HMCN1: variants seen among roughly 807,000 people sequenced by gnomAD.
HMCN1 encodes the protein hemicentin 1, also known as hemicentin-1.
In HMCN1, 321 loss-of-function variants were observed where a neutral mutation model predicts 625.9. The observed-to-expected ratio is 0.51, with a 90% CI of 0.47 to 0.56. The LOEUF is 0.56. Among genes scored for constraint, HMCN1 ranks in the 20% least tolerant of loss-of-function variants. HMCN1 has a pLI of 0.00. For synonymous variants in HMCN1, 2,425 were observed against 2,417.6 expected (o/e 1.00, Z -0.09); for missense variants, 6,588 against 6,887.3 (o/e 0.96, Z 1.54).
chr1:186,108,196 T>C (rs984885716), intron 70 of HMCN1, among the ~76,000 whole-genome samples: 13 of 152,138 alleles, frequency 8.5e-5, no homozygotes, highest in African/African-American at 3.1e-4. Flanking sequence ...TCCATTTCTT[T>C]ACTATCAAAT....
At chr1:185,945,257 G>A (rs956308467) in intron 11 of HMCN1, among the ~76,000 whole-genome samples, 59 of 152,148 alleles carry the variant, frequency 3.9e-4, no homozygotes, top group African/African-American at 1.4e-3. Flanking sequence ...TTTATGCTAT[G>A]CCCCTAGGCA....
rs994003584 is a variant in HMCN1 at position 186,153,686 on chromosome 1, C to T, written c.15019-64C>T. 57 of 1,307,730 alleles carry T rather than the reference C, an allele frequency of 4.4e-5. 1 individual carries two copies. Among genetic ancestry groups the T allele is most frequent in the Non-Finnish European group, 5.7e-5 (51 of 901,070 alleles). 81.0% of individuals were successfully genotyped at this position (1,307,730 alleles called of 1,614,324 possible). ...CCCCGCTCATTCTGCATTTCATAGT[C>T]CCCTTAAGGGAAAAAAATTAGTATG... On this transcript the variant is annotated intron_variant, in intron 96 of 106. Transcript: ENST00000271588.
At chr1:186,048,469 G>A (rs749751040) in intron 41 of HMCN1, among the ~76,000 whole-genome samples, 46 of 151,896 alleles carry the variant, frequency 3.0e-4, no homozygotes, top group African/African-American at 8.5e-4. Context: ...GTACCTTTTC[G>A]TTTTTTCTGA....
intron 4 of HMCN1, among the ~76,000 whole-genome samples, chr1:185,881,630 A>T (rs984476930): frequency 3.3e-5 from 5 of 151,990 alleles, no homozygotes; most frequent in African/African-American, 1.2e-4. Context: ...TTTGCTGGGG[A>T]CCTACCCTTT....
At chr1:186,045,927 C>A in intron 41 of HMCN1, 64 bp downstream of exon 41, 2 of 1,181,070 alleles carry the variant, frequency 1.7e-6, no homozygotes, top group Non-Finnish European at 2.5e-6. Context: ...TGGTATTACC[C>A]TATTTAGCGT....
intron 81 of HMCN1, among the ~76,000 whole-genome samples, chr1:186,124,039 C>A (rs1661525644): frequency 6.6e-6 from 1 of 152,102 alleles, no homozygotes; most frequent in South Asian, 2.1e-4. Context: ...CCCCTGCTTT[C>A]AGTTAATATA....
At chr1:185,792,200 A>C (rs1229781504) in intron 1 of HMCN1, among the ~76,000 whole-genome samples, 1 of 152,246 alleles carries the variant, frequency 6.6e-6, no homozygotes, top group Non-Finnish European at 1.5e-5. Flanking sequence ...AGGGGCCATC[A>C]CCATGCTAAT....
At chr1:185,838,766 A>G (rs1661317402) in intron 1 of HMCN1, among the ~76,000 whole-genome samples, 1 of 152,216 alleles carries the variant, frequency 6.6e-6, no homozygotes, top group East Asian at 1.9e-4. Context: ...TTTGTAAGAC[A>G]CACCCAGATA....
At chr1:186,001,470 C>T (rs1653195422) in intron 27 of HMCN1, 42 bp downstream of exon 27, 1 of 1,607,238 alleles carries the variant, frequency 6.2e-7, no homozygotes, top group African/African-American at 1.3e-5. Context: ...CTTGCCTCTG[C>T]ATCTGAAGTA....
Position 185,977,997 on chromosome 1 carries a change from T to C in HMCN1, c.2566+16T>C, listed in dbSNP as rs915329167. On this transcript the variant is annotated intron_variant, in intron 16 of 106. Coordinates refer to ENST00000271588, the MANE Select transcript of HMCN1 (RefSeq NM_031935.3). ...TTTATTTTAAGTAGGTTGAAGGAAA[T>C]ATATTTTGTACGAATATGTACTTTT... is the stretch of plus-strand genomic sequence containing the variant. The C allele has an allele frequency of 5.1e-6, 8 of 1,558,028 alleles. No homozygotes were observed. Among genetic ancestry groups the C allele is most frequent in the Non-Finnish European group, 7.1e-6 (8 of 1,129,838 alleles).
At chr1:185,957,410 G>T (rs1051757836) in intron 11 of HMCN1, among the ~76,000 whole-genome samples, 1 of 152,160 alleles carries the variant, frequency 6.6e-6, no homozygotes, top group Non-Finnish European at 1.5e-5. Flanking sequence ...TCTGAGTAAA[G>T]GTTACATAAG....
chr1:186,078,873 T>C (rs552828598), intron 55 of HMCN1, among the ~76,000 whole-genome samples: 39 of 152,252 alleles, frequency 2.6e-4, no homozygotes, highest in African/African-American at 8.7e-4. Flanking sequence ...ATTTTTCCTG[T>C]AAGGGAAAAG....
Position 185,922,478 on chromosome 1 carries a change from A to T in HMCN1, c.1000A>T (p.Thr334Ser). The T allele has an allele frequency of 6.2e-7, 1 of 1,613,454 alleles. No individual in the cohort carries two copies. Among genetic ancestry groups the T allele is most frequent in the East Asian group, 2.2e-5 (1 of 44,842 alleles). Residue 334 changes from threonine (T) to serine (S), a missense_variant, in exon 7 of 107, where the codon ACA becomes TCA. Transcript: ENST00000271588. ...AAAGCCCACCCTGGACTTCAAAAAAACAGTCAGCAGACCAGTGCAAGGTTT... is the reference window on the plus strand; with the variant it reads ...AAAGCCCACCCTGGACTTCAAAAAATCAGTCAGCAGACCAGTGCAAGGTTT... ...SRKPTLDFKKTVSRPVQGIPT... is the reference protein window; with the variant it reads ...SRKPTLDFKKSVSRPVQGIPT...
At chr1:186,159,902 C>A (rs959908601) in intron 97 of HMCN1, among the ~76,000 whole-genome samples, 15 of 152,074 alleles carry the variant, frequency 9.9e-5, no homozygotes, top group African/African-American at 3.6e-4. Flanking sequence ...TGTGTCTCTG[C>A]CTGGCTTTGG....
chr1:185,898,239 G>A (rs990828648), intron 4 of HMCN1, among the ~76,000 whole-genome samples: 3 of 152,108 alleles, frequency 2.0e-5, no homozygotes, highest in Non-Finnish European at 4.4e-5. Flanking sequence ...CAAAATCACT[G>A]TGGGGAGTGA....
At chr1:186,068,126 G>GT in intron 50 of HMCN1, 119 bp downstream of exon 50, 1 of 983,508 alleles carries the variant, frequency 1.0e-6, no homozygotes, top group Non-Finnish European at 1.6e-6. Context: ...GTTATGTTCT[G>GT]TGCAGCCTGG....
At chr1:186,134,369 T>C (rs1649448926) in intron 86 of HMCN1, among the ~76,000 whole-genome samples, 1 of 152,162 alleles carries the variant, frequency 6.6e-6, no homozygotes, top group Non-Finnish European at 1.5e-5. Context: ...TTTAGTCATG[T>C]TGTCACTTAG....
chr1:185,963,723 T>C (rs1186572934), intron 12 of HMCN1, 45 bp from the exon 13 acceptor site: 3 of 1,359,812 alleles, frequency 2.2e-6, no homozygotes, highest in Non-Finnish European at 3.2e-6. Flanking sequence ...GATATTACTA[T>C]TGTGGCATTT....
Position 186,136,999 on chromosome 1 carries a change from A to C in HMCN1, c.13582+62A>C, listed in dbSNP as rs1649646899. 3.2e-6 allele frequency: 5 copies of C among 1,577,930 alleles called. No individual in the cohort carries two copies. In the East Asian group the frequency reaches 1.1e-4, roughly 35 times the overall value. On this transcript the variant is annotated intron_variant, in intron 87 of 106. Transcript: ENST00000271588. Reference sequence around the variant, plus strand: ...ACCTGGGGTGACTCAAATCATGGAAATTATTAAGCACTTTAGTCCAAGTCT... The same window carrying C: ...ACCTGGGGTGACTCAAATCATGGAACTTATTAAGCACTTTAGTCCAAGTCT...
Sources: gnomAD v4.1 joint callset for allele counts (sites outside exome capture counted in the v4.1 genomes callset) on GRCh38, gnomAD v4.1.1 for gene constraint, MANE v1.5 for transcripts, NCBI Gene and HGNC (gene_info 2026-07-23, HGNC 2026-07-21) for gene names.